Variants in MED12L observed in about 807,000 individuals in gnomAD.
MED12L encodes the protein mediator complex subunit 12L.
In MED12L, 60 loss-of-function variants were observed where a neutral mutation model predicts 281.3. The observed-to-expected ratio is 0.21, with a 90% CI of 0.17 to 0.26. The LOEUF is 0.26. MED12L is among the 10% of genes least tolerant of loss of function. MED12L has a pLI of 1.00. For missense variants in MED12L, 2,146 were observed against 2,680.9 expected (o/e 0.80, Z 4.41); for synonymous variants, 974 against 987.2 (o/e 0.99, Z 0.25).
intron 16 of MED12L, among the ~76,000 whole-genome samples, chr3:151,282,364 TTTTG>T (rs1291542876): frequency 4.0e-5 from 6 of 150,676 alleles, no homozygotes; most frequent in East Asian, 3.9e-4. Flanking sequence ...TTTTGTTTTT[TTTTG>T]TTTGTTTGTT....
chr3:151,319,888 A>C (rs909510711), intron 16 of MED12L, among the ~76,000 whole-genome samples: 2 of 152,198 alleles, frequency 1.3e-5, no homozygotes, highest in Non-Finnish European at 2.9e-5. Flanking sequence ...GATTTTTCAA[A>C]ATATATTCTT....
intron 43 of MED12L, among the ~76,000 whole-genome samples, chr3:151,426,256 A>G (rs1718860114): frequency 1.3e-5 from 2 of 152,216 alleles, no homozygotes; most frequent in Admixed American, 6.5e-5. Flanking sequence ...CAGGAAGTCT[A>G]GAGAGGAGTC....
At chr3:151,294,490 C>CTGGT (rs1174573398) in intron 16 of MED12L, 1 of 1,614,092 alleles carries the variant, frequency 6.2e-7, no homozygotes, top group Non-Finnish European at 8.5e-7. Flanking sequence ...CCCTGATGCT[C>CTGGT]TGGTTATGTT....
chr3:151,252,275 A>G (rs1279545672), intron 16 of MED12L, among the ~76,000 whole-genome samples: 3 of 152,230 alleles, frequency 2.0e-5, no homozygotes, highest in African/African-American at 7.2e-5. Context: ...TACAACCAGG[A>G]GTAGTGCTTA....
At chr3:151,209,222 G>A (rs1341596923) in intron 16 of MED12L, among the ~76,000 whole-genome samples, 1 of 152,204 alleles carries the variant, frequency 6.6e-6, no homozygotes, top group African/African-American at 2.4e-5. Flanking sequence ...AGCAGGGGGA[G>A]ATAGGAATGC....
chr3:151,259,543 A>C (rs1180006341), intron 16 of MED12L, among the ~76,000 whole-genome samples: 1 of 152,222 alleles, frequency 6.6e-6, no homozygotes, highest in Non-Finnish European at 1.5e-5. Flanking sequence ...TCACCCTAAG[A>C]ATAAGTAGAC....
chr3:151,368,346 T>C, intron 25 of MED12L, 95 bp downstream of exon 25: 3 of 1,120,204 alleles, frequency 2.7e-6, no homozygotes, highest in Non-Finnish European at 4.0e-6. Flanking sequence ...AATTGCCTTC[T>C]TAATTTTTTG....
chr3:151,155,975 C>A (rs1167697633), intron 5 of MED12L, among the ~76,000 whole-genome samples, 186 bp from the exon 6 acceptor site: 1 of 152,184 alleles, frequency 6.6e-6, no homozygotes, highest in Admixed American at 6.5e-5. Context: ...CACTAGCATG[C>A]GTTCTCTAAG....
chr3:151,298,621 C>G (rs368846264), intron 16 of MED12L, among the ~76,000 whole-genome samples: 3 of 152,206 alleles, frequency 2.0e-5, no homozygotes, highest in East Asian at 3.9e-4. Flanking sequence ...TTACTAGTTC[C>G]ATAGTAAATT....
rs777262521 is a variant in MED12L at position 151,409,222 on chromosome 3, T to G, written c.5821-21T>G. 2.5e-6 allele frequency: 4 copies of G among 1,574,066 alleles called. No individual in the cohort carries two copies. The Admixed American group carries it at 8.0e-5, about 32-fold the overall frequency. ...GCCCTTGCTGTTATGATCAAGAGTT[T>G]GCTTTGGCTTTGTTTTCCAGGGCCA... On this transcript the variant is annotated intron_variant, in intron 39 of 44. Transcript: ENST00000687756.
rs542743169 is a variant in MED12L, at chr3:151,279,444, T to C, written c.2251-70615T>C. Among the ~76,000 whole-genome samples the C allele has an allele frequency of 1.2e-4, 19 of 152,358 alleles. No homozygotes were observed. In the South Asian group the frequency reaches 3.3e-3, roughly 27 times the overall value. On this transcript the variant is annotated intron_variant, in intron 16 of 44. Coordinates refer to ENST00000687756, the MANE Select transcript of MED12L (RefSeq NM_001393769.1). The stretch of plus-strand genomic sequence containing the variant: ...CATACCCAAACAGTTATTTCCCTCA[T>C]GAAGAGTATTTTCTTACTTTCTGTC...
At chr3:151,192,938 C>T (rs1386428626) in intron 15 of MED12L, among the ~76,000 whole-genome samples, 1 of 152,124 alleles carries the variant, frequency 6.6e-6, no homozygotes, top group Non-Finnish European at 1.5e-5. Flanking sequence ...TGTAGCTTCA[C>T]GATGACAGTC....
At chr3:151,226,075 C>G (rs1467548890) in intron 16 of MED12L, among the ~76,000 whole-genome samples, 1 of 152,148 alleles carries the variant, frequency 6.6e-6, no homozygotes, top group East Asian at 1.9e-4. Flanking sequence ...AGATTCCAGT[C>G]TAGGGGGAGG....
At chr3:151,327,538 G>A (rs1749773876) in intron 16 of MED12L, 1 of 151,844 alleles carries the variant, frequency 6.6e-6, no homozygotes, top group Admixed American at 6.6e-5. Context: ...CCTGGCTGCA[G>A]TTTTCAGCAA....
At chr3:151,199,333 C>A (rs148323443) in intron 16 of MED12L, 16 of 1,613,160 alleles carry the variant, frequency 9.9e-6, no homozygotes, top group Non-Finnish European at 1.4e-5. Flanking sequence ...AAAAAAAATA[C>A]GTGAATGGCT....
chr3:151,134,335 G>A (rs899115587), intron 5 of MED12L, among the ~76,000 whole-genome samples: 11 of 152,078 alleles, frequency 7.2e-5, no homozygotes, highest in African/African-American at 1.7e-4. Context: ...TATTTTGTCC[G>A]TTTTATGACT....
At chr3:151,359,075 C>T (rs967535154) in intron 20 of MED12L, among the ~76,000 whole-genome samples, 6 of 152,102 alleles carry the variant, frequency 3.9e-5, no homozygotes, top group Non-Finnish European at 7.4e-5. Context: ...GACCTTTCCT[C>T]TGCTCTCTGT....
chr3:151,160,546 A>G (rs1225419362), intron 8 of MED12L, among the ~76,000 whole-genome samples: 1 of 152,198 alleles, frequency 6.6e-6, no homozygotes, highest in South Asian at 2.1e-4. Context: ...TTGAACATCC[A>G]GTAACATGCT....
At chr3:151,376,702 T>A in intron 28 of MED12L, 98 bp from the exon 29 acceptor site, 1 of 977,028 alleles carries the variant, frequency 1.0e-6, no homozygotes, top group Non-Finnish European at 1.6e-6. Flanking sequence ...TGTGTATGAT[T>A]ATTCTGCTCT....
Sources: allele counts gnomAD v4.1 joint callset (sites outside exome capture counted in the v4.1 genomes callset), GRCh38; gene constraint gnomAD v4.1.1; transcripts MANE v1.5; gene names NCBI Gene and HGNC (gene_info 2026-07-23, HGNC 2026-07-21).